The following CYP2B6 variants were observed in gnomAD, a reference collection of about 807,000 sequenced individuals.
CYP2B6 encodes the protein cytochrome P450 2B6.
In CYP2B6, 35 loss-of-function variants were observed where a neutral mutation model predicts 43.4. The observed-to-expected ratio is 0.81, with a 90% CI of 0.62 to 1.07. The LOEUF is 1.07. CYP2B6 is among the 50% of genes least tolerant of loss of function. The probability of loss-of-function intolerance (pLI) is 0.00; values close to 1 mark genes in which losing one functional copy is unlikely to be tolerated. For missense variants in CYP2B6, 624 were observed against 632.8 expected (o/e 0.99, Z 0.15); for synonymous variants, 239 against 239.2 (o/e 1.00, Z 0.01).
At chr19:41,005,672 T>G (rs1969167954) in intron 3 of CYP2B6, among the ~76,000 whole-genome samples, 1 of 151,802 alleles carries the variant, frequency 6.6e-6, no homozygotes, top group African/African-American at 2.4e-5. Flanking sequence ...TCCCAGCTAC[T>G]CAGGAGGCTG....
intron 8 of CYP2B6, among the ~76,000 whole-genome samples, chr19:41,015,864 T>C (rs532626331): frequency 6.6e-6 from 1 of 151,500 alleles, no homozygotes; most frequent in South Asian, 2.1e-4. Context: ...AGCCAAGTGC[T>C]ATTCTAAGAA....
At chr19:40,996,535 C>T (rs1969002293) in intron 1 of CYP2B6, among the ~76,000 whole-genome samples, 1 of 152,066 alleles carries the variant, frequency 6.6e-6, no homozygotes, top group Non-Finnish European at 1.5e-5. Flanking sequence ...TACCAAGTGC[C>T]AGAAATATAT....
At position 41,004,338 on chromosome 19, in the gene CYP2B6, C is replaced by A. The variant is rs370958436; in HGVS notation, c.376C>A (p.Arg126=). The A allele has an allele frequency of 2.5e-6, 4 of 1,613,868 alleles. No individual in the cohort carries two copies. Among genetic ancestry groups the A allele is most frequent in the Non-Finnish European group, 3.4e-6 (4 of 1,179,988 alleles). Residue 126 remains arginine, a synonymous_variant, in exon 3 of 9, where the codon CGA becomes AGA. Coordinates refer to ENST00000324071, the MANE Select transcript of CYP2B6 (RefSeq NM_000767.5). ...ANGNRWKVLR[R]FSVTTMRDFG... is the part of the protein sequence containing the mutation. ...TGGAAACCGCTGGAAGGTGCTTCGG[C>A]GATTCTCTGTGACCACTATGAGGGA...
intron 8 of CYP2B6, among the ~76,000 whole-genome samples, chr19:41,015,719 G>A (rs1426104371): frequency 6.6e-6 from 1 of 151,996 alleles, no homozygotes; most frequent in Admixed American, 6.6e-5. Context: ...AGCTCTTGAA[G>A]CCTGTGGATC....
intron 1 of CYP2B6, 119 bp from the exon 2 acceptor site, chr19:41,003,882 T>C: frequency 7.2e-7 from 1 of 1,386,134 alleles, no homozygotes; most frequent in East Asian, 2.5e-5. Context: ...AAGGGCAGCC[T>C]GGGGAGGCGG....
intron 1 of CYP2B6, among the ~76,000 whole-genome samples, chr19:40,993,097 T>C (rs1568556659): frequency 6.6e-6 from 1 of 152,172 alleles, no homozygotes; most frequent in East Asian, 1.9e-4. Context: ...GTCATAGATT[T>C]TGTTCAGGGC....
intron 1 of CYP2B6, 150 bp downstream of exon 1, chr19:40,991,626 T>C (rs1439664890): frequency 1.2e-6 from 1 of 828,904 alleles, no homozygotes; most frequent in African/African-American, 1.7e-5. Context: ...GCATGATGGG[T>C]GGTATTATTA....
rs1969391302 is a variant in CYP2B6 at position 41,017,668 on chromosome 19, G to A, written c.*841G>A. The stretch of plus-strand genomic sequence containing the variant: ...TATTTTTAGGTGGTCTTGAACTCCT[G>A]ATGTCAGGTGATTCTCCTAGCTCCA... On this transcript the variant is annotated 3_prime_UTR_variant, in exon 9 of 9. Transcript: ENST00000324071. 1 of 151,904 alleles carries A rather than the reference G, an allele frequency of 6.6e-6. No homozygotes were observed. The highest frequency in any genetic ancestry group is 1.5e-5 in the Non-Finnish European group (1 of 67,990). 9.4% of individuals were successfully genotyped at this position (151,904 alleles called of 1,614,324 possible). A position where few individuals can be genotyped will look rare whatever the true frequency, so the allele number is the denominator to read the frequency against.
At chr19:41,006,731 T>C (rs1002266544) in intron 3 of CYP2B6, among the ~76,000 whole-genome samples, 174 bp from the exon 4 acceptor site, 2 of 152,106 alleles carry the variant, frequency 1.3e-5, no homozygotes, top group Admixed American at 6.5e-5. Flanking sequence ...CTCACATTGT[T>C]GTAGTGAGAG....
At chr19:40,994,144 A>G (rs16974703) in intron 1 of CYP2B6, among the ~76,000 whole-genome samples, 2,130 of 152,152 alleles carry the variant, frequency 0.014, 28 homozygotes, top group Middle Eastern at 0.034. Flanking sequence ...ATCTTCGTCG[A>G]TTTTGAGGTT....
intron 1 of CYP2B6, among the ~76,000 whole-genome samples, chr19:40,992,137 G>A (rs573134183): frequency 3.3e-5 from 5 of 150,318 alleles, no homozygotes; most frequent in African/African-American, 7.5e-5. Context: ...AGGAGGCAGA[G>A]GTTGCAGTGA....
rs75833439 is a variant in CYP2B6 at position 41,002,985 on chromosome 19, A to G, written c.172-1016A>G. Among the ~76,000 whole-genome samples the G allele has an allele frequency of 4.8e-3, 734 of 152,258 alleles. 4 individuals are homozygous for G. Among genetic ancestry groups the G allele is most frequent in the Non-Finnish European group, 9.5e-3 (643 of 68,016 alleles). Reference sequence around the variant, plus strand: ...GGTTTGTTCTTTTTTGTTGCTGTATACTAGTCTATTGTGAGAACCCTCACT... The same window carrying G: ...GGTTTGTTCTTTTTTGTTGCTGTATGCTAGTCTATTGTGAGAACCCTCACT... On this transcript the variant is annotated intron_variant, in intron 1 of 8. Coordinates refer to ENST00000324071, the MANE Select transcript of CYP2B6 (RefSeq NM_000767.5).
intron 8 of CYP2B6, among the ~76,000 whole-genome samples, chr19:41,015,646 T>C (rs1018559671): frequency 4.6e-5 from 7 of 152,132 alleles, no homozygotes; most frequent in African/African-American, 1.7e-4. Context: ...CCATAGACCC[T>C]CCCTGTCTCA....
chr19:41,013,957 C>T (rs1190307641), intron 8 of CYP2B6, among the ~76,000 whole-genome samples: 1 of 152,218 alleles, frequency 6.6e-6, no homozygotes, highest in Non-Finnish European at 1.5e-5. Flanking sequence ...AGCTTGTAGC[C>T]TGTGACTGGC....
chr19:40,992,997 C>G (rs1968944604), intron 1 of CYP2B6, among the ~76,000 whole-genome samples: 1 of 152,114 alleles, frequency 6.6e-6, no homozygotes, highest in African/African-American at 2.4e-5. Flanking sequence ...TCTCTTTTAA[C>G]TTGAGTGTGT....
At chr19:41,001,601 G>A (rs34353716) in intron 1 of CYP2B6, among the ~76,000 whole-genome samples, 1,859 of 152,150 alleles carry the variant, frequency 0.012, 13 homozygotes, top group Middle Eastern at 0.037. Context: ...GTGGTTGTGA[G>A]GATTAAATGG....
At chr19:41,000,239 C>T (rs776544641) in intron 1 of CYP2B6, among the ~76,000 whole-genome samples, 9 of 152,266 alleles carry the variant, frequency 5.9e-5, no homozygotes, top group Middle Eastern at 3.4e-3. Context: ...AGCTGCCCCT[C>T]CTTACTGAGC....
chr19:40,999,038 C>T (rs1004036048), intron 1 of CYP2B6, among the ~76,000 whole-genome samples: 2 of 141,958 alleles, frequency 1.4e-5, no homozygotes, highest in Admixed American at 7.2e-5. Context: ...TACAGTCCCA[C>T]CAACAGTGTA....
At chr19:40,991,988 G>A (rs1477886320) in intron 1 of CYP2B6, among the ~76,000 whole-genome samples, 1 of 152,016 alleles carries the variant, frequency 6.6e-6, no homozygotes, top group East Asian at 1.9e-4. Flanking sequence ...GATCACCTGA[G>A]GTCAGGAGTT....
Sources: allele counts gnomAD v4.1 joint callset (sites outside exome capture counted in the v4.1 genomes callset), GRCh38; gene constraint gnomAD v4.1.1; transcripts MANE v1.5; gene names NCBI Gene and HGNC (gene_info 2026-07-23, HGNC 2026-07-21).